The following NEK10 variants were observed in gnomAD, a reference collection of about 807,000 sequenced individuals.
The protein encoded by NEK10 is NIMA related kinase 10.
Under a neutral mutation model 159.8 loss-of-function variants are expected in NEK10, and 122 were observed. That is an observed-to-expected ratio of 0.76 (90% confidence interval 0.66 to 0.89). NEK10 has a LOEUF of 0.89. Among genes scored for constraint, NEK10 ranks in the 40% least tolerant of loss-of-function variants. The pLI, the probability that NEK10 is intolerant of heterozygous loss-of-function variation, is 0.00. For synonymous variants in NEK10, 466 were observed against 457.1 expected (o/e 1.02, Z -0.25); for missense variants, 1,342 against 1,323.1 (o/e 1.01, Z -0.22).
At chr3:27,234,064 T>C (rs1223991399) in intron 23 of NEK10, among the ~76,000 whole-genome samples, 1 of 152,048 alleles carries the variant, frequency 6.6e-6, no homozygotes, top group Non-Finnish European at 1.5e-5. Context: ...TTCAATAAAA[T>C]TCAACATCCC....
intron 26 of NEK10, among the ~76,000 whole-genome samples, chr3:27,188,629 C>T (rs1031187193): frequency 2.0e-5 from 3 of 152,204 alleles, no homozygotes; most frequent in Admixed American, 6.5e-5. Context: ...GCAAGTCTCA[C>T]ACTGACAGCA....
intron 13 of NEK10, 73 bp from the exon 14 acceptor site, chr3:27,297,313 C>A: frequency 1.0e-6 from 1 of 958,442 alleles, no homozygotes; most frequent in South Asian, 1.5e-5. Context: ...TACTCTTACT[C>A]CACAGGGTAT....
At chr3:27,263,822 T>A (rs1330353771) in intron 22 of NEK10, among the ~76,000 whole-genome samples, 1 of 152,140 alleles carries the variant, frequency 6.6e-6, no homozygotes, top group African/African-American at 2.4e-5. Context: ...GCACCCACTG[T>A]CCTGCACCCA....
chr3:27,200,978 C>T (rs1434805612), intron 25 of NEK10, among the ~76,000 whole-genome samples: 2 of 152,002 alleles, frequency 1.3e-5, no homozygotes, highest in African/African-American at 2.4e-5. Context: ...CAGGGATTGG[C>T]CAAAACTTTG....
chr3:27,281,269 G>A (rs2042140347), intron 22 of NEK10, among the ~76,000 whole-genome samples: 1 of 151,816 alleles, frequency 6.6e-6, no homozygotes. Context: ...GAGCAGAGGG[G>A]AGAAAAGTAG....
chr3:27,196,671 A>T (rs2149005960), intron 25 of NEK10, among the ~76,000 whole-genome samples: 1 of 152,326 alleles, frequency 6.6e-6, no homozygotes, highest in South Asian at 2.1e-4. Context: ...TTTACAGTCT[A>T]TTTGCCCAGA....
At chr3:27,219,657 A>T (rs1951894102) in intron 23 of NEK10, among the ~76,000 whole-genome samples, 1 of 152,334 alleles carries the variant, frequency 6.6e-6, no homozygotes, top group East Asian at 1.9e-4. Flanking sequence ...ACACTTCTTC[A>T]GATCAGGAAT....
At chr3:27,255,657 T>C (rs1011301334) in intron 23 of NEK10, among the ~76,000 whole-genome samples, 1 of 152,276 alleles carries the variant, frequency 6.6e-6, no homozygotes, top group Middle Eastern at 3.4e-3. Context: ...AGATTCTTAC[T>C]TCATAATAAT....
intron 3 of NEK10, 76 bp downstream of exon 3, chr3:27,352,389 G>T: frequency 1.1e-6 from 1 of 910,344 alleles, no homozygotes; most frequent in Non-Finnish European, 1.8e-6. Context: ...ATCATTCATA[G>T]ATATGTTAAA....
chr3:27,310,921 A>G (rs1161043065), intron 9 of NEK10, 28 bp downstream of exon 9: 3 of 1,430,058 alleles, frequency 2.1e-6, no homozygotes, highest in Admixed American at 3.4e-5. Flanking sequence ...AGGGAGCTGA[A>G]GCATTAACTC....
At chr3:27,205,538 C>G (rs1950471089) in intron 23 of NEK10, among the ~76,000 whole-genome samples, 1 of 104,122 alleles carries the variant, frequency 9.6e-6, no homozygotes, top group Non-Finnish European at 1.9e-5. Context: ...GAACAGAGCC[C>G]TCAGAAATAA....
chr3:27,315,391 G>T lies in NEK10; in HGVS notation c.448-1053C>A, dbSNP rs138724963. On this transcript the variant is annotated intron_variant, in intron 6 of 35. Transcript: ENST00000691995. ...CCATACTCTGTATAAAGTGAACTTG[G>T]AAATACTGAACACACTTACATCTAA... 2.4e-3 allele frequency among the ~76,000 whole-genome samples: 368 copies of T among 152,216 alleles called. 3 individuals are homozygous for T. Among genetic ancestry groups the T allele is most frequent in the African/African-American group, 8.6e-3 (358 of 41,524 alleles).
At chr3:27,334,036 G>A (rs1386608349) in intron 5 of NEK10, among the ~76,000 whole-genome samples, 1 of 152,134 alleles carries the variant, frequency 6.6e-6, no homozygotes, top group Non-Finnish European at 1.5e-5. Context: ...GAACTGCAGG[G>A]CCCTGAGGAC....
rs1269005255 is a variant in NEK10, at chr3:27,141,589, G to T, written c.2870-7C>A. 6.2e-7 allele frequency: 1 copy of T among 1,603,940 alleles called. No homozygotes were observed. The highest frequency in any genetic ancestry group is 8.5e-7 in the Non-Finnish European group (1 of 1,173,432). On this transcript the variant is annotated splice_polypyrimidine_tract_variant and splice_region_variant and intron_variant, in intron 30 of 35. Coordinates refer to ENST00000691995, the MANE Select transcript of NEK10 (RefSeq NM_001394966.1). The stretch of plus-strand genomic sequence containing the variant: ...ACAGCAATTCCTGCTGATGCTGTGG[G>T]TGATAAATTTTGTAGTTAGTCAAGT...
chr3:27,260,413 A>G (rs2040299209), intron 22 of NEK10, among the ~76,000 whole-genome samples: 1 of 152,130 alleles, frequency 6.6e-6, no homozygotes, highest in African/African-American at 2.4e-5. Context: ...TAATTTATTG[A>G]GAGTTTTTAG....
At chr3:27,223,001 A>G (rs1000089939) in intron 23 of NEK10, among the ~76,000 whole-genome samples, 4 of 152,188 alleles carry the variant, frequency 2.6e-5, no homozygotes, top group Non-Finnish European at 5.9e-5. Context: ...AGCTATTACT[A>G]TAAATTACTC....
chr3:27,212,318 C>T (rs1180868283), intron 23 of NEK10, among the ~76,000 whole-genome samples: 1 of 152,102 alleles, frequency 6.6e-6, no homozygotes, highest in Non-Finnish European at 1.5e-5. Context: ...TTATAGATGT[C>T]TTAACCTGAA....
chr3:27,126,947 A>C (rs565979039), intron 32 of NEK10, among the ~76,000 whole-genome samples: 13 of 152,060 alleles, frequency 8.5e-5, no homozygotes, highest in African/African-American at 1.7e-4. Context: ...TTGATGGGAG[A>C]GCTGTTTTCA....
At chr3:27,194,272 G>A (rs139054251) in intron 25 of NEK10, 6,339 of 152,246 alleles carry the variant, frequency 0.042, 223 homozygotes, top group African/African-American at 0.096. Context: ...GACTACAGGC[G>A]CCCGCCACCA....
Sources: allele counts gnomAD v4.1 joint callset (sites outside exome capture counted in the v4.1 genomes callset), GRCh38; gene constraint gnomAD v4.1.1; transcripts MANE v1.5; gene names NCBI Gene and HGNC (gene_info 2026-07-23, HGNC 2026-07-21).